The following TC2N variants were observed in gnomAD, a reference collection of about 807,000 sequenced individuals.
The protein encoded by TC2N is tandem C2 domains, nuclear.
Under a neutral mutation model 61.9 loss-of-function variants are expected in TC2N, and 51 were observed. The ratio of observed to expected loss-of-function variants is 0.82; its 90% CI spans 0.66 to 1.04. The LOEUF (loss-of-function observed/expected upper bound fraction) is 1.04. TC2N is among the 50% of genes least tolerant of loss of function. TC2N has a pLI of 0.00. For missense variants in TC2N, 556 were observed against 566.7 expected (o/e 0.98, Z 0.19); for synonymous variants, 204 against 192.6 (o/e 1.06, Z -0.49).
chr14:91,791,179 AGGG>A, intron 9 of TC2N, among the ~76,000 whole-genome samples: 1 of 7,158 alleles, frequency 1.4e-4, no homozygotes, highest in Non-Finnish European at 3.6e-4. Context: ...AAGGGAAAGG[AGGG>A]GAGGGGAGGG....
In TC2N at chr14:91,780,325, G is replaced by A. The variant is rs1468514961; in HGVS notation, c.*2775C>T. On this transcript the variant is annotated 3_prime_UTR_variant, in exon 12 of 12. Transcript: ENST00000435962. Reference sequence around the variant, plus strand: ...TTATACCTGGCTGTTGAGTACATTAGTATCAGAGAAATTCATGTAACTATA... The same window carrying A: ...TTATACCTGGCTGTTGAGTACATTAATATCAGAGAAATTCATGTAACTATA... 1 of 152,174 alleles carries A rather than the reference G, an allele frequency of 6.6e-6. No individual in the cohort carries two copies. The highest frequency in any genetic ancestry group is 1.5e-5 in the Non-Finnish European group (1 of 68,024). The allele number at this position is 152,174 out of a possible 1,614,324, so 9.4% of individuals were successfully genotyped here.
chr14:91,843,720 T>C lies in TC2N; in HGVS notation c.-57+23542A>G, dbSNP rs148103314. ...CATCTGTTTTTAAACCCACTCCACATCCATAAAGATAATTCATGAATAAAT... is the reference window on the plus strand; with the variant it reads ...CATCTGTTTTTAAACCCACTCCACACCCATAAAGATAATTCATGAATAAAT... On this transcript the variant is annotated intron_variant, in intron 1 of 11. Coordinates refer to ENST00000435962, the MANE Select transcript of TC2N (RefSeq NM_001128596.3). Among the ~76,000 whole-genome samples, 17 of 152,310 alleles carry C rather than the reference T, an allele frequency of 1.1e-4. No individual in the cohort carries two copies. The East Asian group carries it at 3.1e-3, about 28-fold the overall frequency.
rs530237587 is a variant in TC2N, at chr14:91,855,647, AC to A, written c.-57+11614del. Among the ~76,000 whole-genome samples, 8 of 152,366 alleles carry A rather than the reference AC, an allele frequency of 5.3e-5. No individual in the cohort carries two copies. The South Asian group carries it at 1.7e-3, about 32-fold the overall frequency. ...AAATGAGGTCACGTTCTGATGTTCC[AC>A]ATAGACATATATTTTCAGGAGGACA... On this transcript the variant is annotated intron_variant, in intron 1 of 11. Coordinates refer to ENST00000435962, the MANE Select transcript of TC2N (RefSeq NM_001128596.3).
At chr14:91,813,138 G>C (rs1185107856) in intron 2 of TC2N, among the ~76,000 whole-genome samples, 3 of 151,716 alleles carry the variant, frequency 2.0e-5, no homozygotes, top group Non-Finnish European at 4.4e-5. Flanking sequence ...CTCTGCTGTA[G>C]ATTAGGAAAT....
intron 1 of TC2N, among the ~76,000 whole-genome samples, chr14:91,846,491 A>C (rs1327820795): frequency 6.6e-6 from 1 of 152,156 alleles, no homozygotes; most frequent in Non-Finnish European, 1.5e-5. Flanking sequence ...TGTGGAGAAG[A>C]AAAAGAATTT....
rs142924375 is a variant in TC2N at position 91,785,348 on chromosome 14, C to T, written c.1176G>A (p.Lys392=). The change falls in exon 11 of 12, where the codon AAG becomes AAA. Residue 392 remains lysine, a synonymous_variant. Coordinates refer to ENST00000435962, the MANE Select transcript of TC2N (RefSeq NM_001128596.3). ...ACTCTCCCGAGCTAAACATTCCCAC[C>T]TTCACGAAAAAACCTAAAAAATTAG... ...STPLTLSFFV[K]VGMFSSGELI... is the part of the protein sequence containing the mutation. 8.7e-6 allele frequency: 14 copies of T among 1,611,660 alleles called. No individual in the cohort carries two copies. The highest frequency in any genetic ancestry group is 2.7e-5 in the African/African-American group (2 of 74,658).
In TC2N at chr14:91,787,483, G is replaced by T. The variant is rs753857349; in HGVS notation, c.1162+30C>A. 1.4e-5 allele frequency: 18 copies of T among 1,321,842 alleles called. No homozygotes were observed. In the South Asian group the frequency reaches 2.4e-4, roughly 18 times the overall value. The allele number at this position is 1,321,842 out of a possible 1,614,324, so 81.9% of individuals were successfully genotyped here. ...CTTTCTATTACTAATACTTTCTGAA[G>T]ATTCTACTTTGAACCACTGATATAC... On this transcript the variant is annotated intron_variant, in intron 10 of 11. Transcript: ENST00000435962.
In TC2N at chr14:91,781,855, C is replaced by T. The variant is rs1375418935; in HGVS notation, c.*1245G>A. On this transcript the variant is annotated 3_prime_UTR_variant, in exon 12 of 12. Coordinates refer to ENST00000435962, the MANE Select transcript of TC2N (RefSeq NM_001128596.3). ...GAAAATGTTAATGATATACACAGAA[C>T]ATAGGAGCTGGAATAAAGAAGGCAT... The T allele has an allele frequency of 6.6e-6, 1 of 151,906 alleles. No individual in the cohort carries two copies. Among genetic ancestry groups the T allele is most frequent in the African/African-American group, 2.4e-5 (1 of 41,358 alleles). 9.4% of individuals were successfully genotyped at this position (151,906 alleles called of 1,614,324 possible).
chr14:91,844,760 C>CAAAAAAA (rs34223127), intron 1 of TC2N, among the ~76,000 whole-genome samples: 1 of 92,558 alleles, frequency 1.1e-5, no homozygotes, highest in Non-Finnish European at 2.1e-5. Flanking sequence ...GACTCTGTCT[C>CAAAAAAA]AAAAAAAAAA....
At chr14:91,784,348 T>A (rs986193536) in intron 11 of TC2N, among the ~76,000 whole-genome samples, 143 of 152,162 alleles carry the variant, frequency 9.4e-4, no homozygotes, top group African/African-American at 3.3e-3. Flanking sequence ...TTCCAAATAA[T>A]AAATGATAAA....
intron 3 of TC2N, 108 bp downstream of exon 3, chr14:91,812,204 G>C (rs1306103857): frequency 1.8e-6 from 1 of 553,280 alleles, no homozygotes; most frequent in Non-Finnish European, 2.8e-6. Context: ...AATATAAAAA[G>C]TAAAATAAAA....
intron 1 of TC2N, among the ~76,000 whole-genome samples, chr14:91,857,965 C>G (rs925765335): frequency 4.1e-4 from 62 of 151,870 alleles, no homozygotes; most frequent in Admixed American, 1.3e-4. Flanking sequence ...TGTTGTTGTT[C>G]TTTGTTTGTT....
intron 3 of TC2N, among the ~76,000 whole-genome samples, chr14:91,807,037 A>C (rs1886541316): frequency 6.6e-6 from 1 of 152,344 alleles, no homozygotes; most frequent in South Asian, 2.1e-4. Context: ...ATGGCTTCAG[A>C]GGGTGGAAGC....
chr14:91,821,135 C>A (rs1887233076), intron 1 of TC2N, among the ~76,000 whole-genome samples: 1 of 151,724 alleles, frequency 6.6e-6, no homozygotes, highest in Admixed American at 6.6e-5. Context: ...GATCCTAAAA[C>A]TCATATGGGA....
chr14:91,844,063 T>A (rs569096160), intron 1 of TC2N, among the ~76,000 whole-genome samples: 10 of 147,268 alleles, frequency 6.8e-5, no homozygotes, highest in Non-Finnish European at 1.2e-4. Context: ...GAAAAAAAAA[T>A]GCAAATATAT....
chr14:91,823,843 A>T (rs1473262471), intron 1 of TC2N, among the ~76,000 whole-genome samples: 1 of 152,178 alleles, frequency 6.6e-6, no homozygotes, highest in Non-Finnish European at 1.5e-5. Flanking sequence ...TATGACCTTA[A>T]ATCTGTTACT....
chr14:91,802,112 C>T (rs768777916), intron 4 of TC2N, 142 bp downstream of exon 4: 35 of 643,876 alleles, frequency 5.4e-5, no homozygotes, highest in East Asian at 1.7e-4. Flanking sequence ...GATGTCATAA[C>T]GTTTATCACA....
At chr14:91,806,297 T>C (rs929364987) in intron 3 of TC2N, among the ~76,000 whole-genome samples, 1 of 152,032 alleles carries the variant, frequency 6.6e-6, no homozygotes, top group Non-Finnish European at 1.5e-5. Context: ...GGTGCTGCTG[T>C]AAAGATACCC....
chr14:91,845,282 C>T (rs1212412239), intron 1 of TC2N, among the ~76,000 whole-genome samples: 4 of 145,954 alleles, frequency 2.7e-5, no homozygotes, highest in East Asian at 4.0e-4. Flanking sequence ...TATGTTTATA[C>T]GTCTAGTCTA....
Sources: gnomAD v4.1 joint callset for allele counts (sites outside exome capture counted in the v4.1 genomes callset) on GRCh38, gnomAD v4.1.1 for gene constraint, MANE v1.5 for transcripts, NCBI Gene and HGNC (gene_info 2026-07-23, HGNC 2026-07-21) for gene names.